Variants in PRKCH observed in about 807,000 individuals in gnomAD.
PRKCH encodes the protein protein kinase C eta, also known as protein kinase C eta type.
Under a neutral mutation model 82.5 loss-of-function variants are expected in PRKCH, and 28 were observed. That is an observed-to-expected ratio of 0.34 (90% confidence interval 0.25 to 0.47). PRKCH has a LOEUF of 0.47. PRKCH is among the 20% of genes least tolerant of loss of function. The pLI is 1.00. For synonymous variants in PRKCH, 322 were observed against 327.4 expected (o/e 0.98, Z 0.18); for missense variants, 705 against 881.8 (o/e 0.80, Z 2.54).
At chr14:61,467,291 T>C (rs938254408) in intron 9 of PRKCH, among the ~76,000 whole-genome samples, 5 of 152,192 alleles carry the variant, frequency 3.3e-5, no homozygotes, top group Admixed American at 6.5e-5. Flanking sequence ...CCTAAATGTG[T>C]GTTCCTTACT....
chr14:61,211,328 T>C (rs901123439), intron 1 of PRKCH, among the ~76,000 whole-genome samples: 1 of 152,206 alleles, frequency 6.6e-6, no homozygotes, highest in African/African-American at 2.4e-5. Flanking sequence ...AGCCTCAACA[T>C]GGACACTCCA....
At chr14:61,346,525 A>G (rs530452651) in intron 1 of PRKCH, among the ~76,000 whole-genome samples, 6 of 152,320 alleles carry the variant, frequency 3.9e-5, no homozygotes, top group African/African-American at 1.4e-4. Flanking sequence ...TATTTTGCCA[A>G]TAAGTTTAAC....
At chr14:61,285,101 A>G (rs948908510) in intron 1 of PRKCH, among the ~76,000 whole-genome samples, 1 of 152,162 alleles carries the variant, frequency 6.6e-6, no homozygotes, top group African/African-American at 2.4e-5. Context: ...AAAAAAAACT[A>G]TGTGTCTCCC....
intron 1 of PRKCH, among the ~76,000 whole-genome samples, chr14:61,295,256 T>C (rs544551079): frequency 1.3e-5 from 2 of 152,260 alleles, no homozygotes; most frequent in East Asian, 3.9e-4. Context: ...TTTAAAAAAA[T>C]TCAAAAGAAA....
chr14:61,209,699 G>T (rs1566781377), intron 1 of PRKCH, among the ~76,000 whole-genome samples: 4 of 152,034 alleles, frequency 2.6e-5, no homozygotes, highest in Non-Finnish European at 4.4e-5. Flanking sequence ...CAGGGGATTT[G>T]TTACATGGGT....
intron 1 of PRKCH, among the ~76,000 whole-genome samples, chr14:61,368,899 C>A (rs1224557152): frequency 6.6e-6 from 1 of 151,978 alleles, no homozygotes; most frequent in Non-Finnish European, 1.5e-5. Context: ...TTCATGCATG[C>A]ATTTTTTTCA....
chr14:61,285,726 T>C (rs1208033333), intron 1 of PRKCH, among the ~76,000 whole-genome samples: 1 of 152,200 alleles, frequency 6.6e-6, no homozygotes, highest in Non-Finnish European at 1.5e-5. Flanking sequence ...GCCAGTGCAA[T>C]GGAGGCTGCC....
intron 1 of PRKCH, among the ~76,000 whole-genome samples, chr14:61,257,791 A>G (rs2045011838): frequency 1.3e-5 from 2 of 152,168 alleles, no homozygotes; most frequent in African/African-American, 4.8e-5. Context: ...TTAGTACCAC[A>G]AGGACACCTT....
intron 1 of PRKCH, among the ~76,000 whole-genome samples, chr14:61,253,751 A>T (rs897082348): frequency 6.6e-6 from 1 of 152,136 alleles, no homozygotes; most frequent in African/African-American, 2.4e-5. Flanking sequence ...AAGTTTTCCA[A>T]ATTTCCTAAG....
At chr14:61,484,349 G>A (rs1886113816) in intron 9 of PRKCH, among the ~76,000 whole-genome samples, 1 of 148,386 alleles carries the variant, frequency 6.7e-6, no homozygotes, top group Non-Finnish European at 1.5e-5. Flanking sequence ...TCTGTATGGG[G>A]AGAGGCTGTG....
chr14:61,433,865 T>C (rs1160395575), intron 2 of PRKCH, among the ~76,000 whole-genome samples: 1 of 152,266 alleles, frequency 6.6e-6, no homozygotes, highest in Non-Finnish European at 1.5e-5. Context: ...ACCAGGATTT[T>C]CAGTGATTAT....
intron 1 of PRKCH, among the ~76,000 whole-genome samples, chr14:61,194,313 A>G (rs755638427): frequency 3.9e-5 from 6 of 152,208 alleles, no homozygotes; most frequent in Non-Finnish European, 7.3e-5. Context: ...ATCACCTTCA[A>G]ATTCATATGT....
At chr14:61,370,973 TACATAC>T (rs2046358690) in intron 1 of PRKCH, among the ~76,000 whole-genome samples, 2 of 152,162 alleles carry the variant, frequency 1.3e-5, no homozygotes, top group African/African-American at 4.8e-5. Flanking sequence ...ATGGGAATGT[TACATAC>T]ACAGTCTAGA....
chr14:61,203,508 A>G (rs1280454990), intron 1 of PRKCH, among the ~76,000 whole-genome samples: 1 of 152,096 alleles, frequency 6.6e-6, no homozygotes, highest in African/African-American at 2.4e-5. Flanking sequence ...GGCACTCAAA[A>G]ATTGCAGAGC....
chr14:61,442,571 T>C (rs1884029292), intron 2 of PRKCH: 1 of 152,418 alleles, frequency 6.6e-6, no homozygotes, highest in Admixed American at 6.5e-5. Context: ...CTACAAGAGA[T>C]TGGCCCATGA....
At chr14:61,216,391 G>T (rs2044616584) in intron 1 of PRKCH, among the ~76,000 whole-genome samples, 1 of 151,950 alleles carries the variant, frequency 6.6e-6, no homozygotes, top group Admixed American at 6.6e-5. Flanking sequence ...TTTGAACCAG[G>T]GTGGGGTTGG....
At chr14:61,338,420 A>T (rs1040612297) in intron 1 of PRKCH, among the ~76,000 whole-genome samples, 1 of 152,208 alleles carries the variant, frequency 6.6e-6, no homozygotes, top group Non-Finnish European at 1.5e-5. Flanking sequence ...GAGAATGAAT[A>T]TACCAGTATG....
At chr14:61,316,125 A>G (rs1012369012) in intron 1 of PRKCH, among the ~76,000 whole-genome samples, 18 of 152,230 alleles carry the variant, frequency 1.2e-4, no homozygotes, top group South Asian at 4.2e-4. Flanking sequence ...TTGCTATTCT[A>G]TAATATACTC....
chr14:61,367,193 A>G (rs1193610883), intron 1 of PRKCH, among the ~76,000 whole-genome samples: 5 of 152,098 alleles, frequency 3.3e-5, no homozygotes, highest in Non-Finnish European at 7.3e-5. Flanking sequence ...TGAAGGAAGC[A>G]TGAACTACCA....
Sources: gnomAD v4.1 joint callset for allele counts (sites outside exome capture counted in the v4.1 genomes callset) on GRCh38, gnomAD v4.1.1 for gene constraint, MANE v1.5 for transcripts, NCBI Gene and HGNC (gene_info 2026-07-23, HGNC 2026-07-21) for gene names.